Variants in CXorf38 observed in about 807,000 individuals in gnomAD.
CXorf38 encodes the protein chromosome X open reading frame 38.
CXorf38 carries 13 observed loss-of-function variants against 27.5 expected under a neutral mutation model. The ratio of observed to expected loss-of-function variants is 0.47; its 90% CI spans 0.31 to 0.75. The LOEUF (loss-of-function observed/expected upper bound fraction) is 0.75, where lower values mean the gene tolerates loss of function less well. Ranked by LOEUF, CXorf38 falls within the 30% of genes least tolerant of loss-of-function variation. CXorf38 has a pLI of 0.05. For synonymous variants in CXorf38, 100 were observed against 99.8 expected, an observed-to-expected ratio of 1.00 and a Z score of -0.01; for missense variants, 240 against 253.2, an observed-to-expected ratio of 0.95 and a Z score of 0.35.
Position 40,629,867 on chromosome X carries a change from C to T in CXorf38, c.*297G>A, listed in dbSNP as rs1927693721. On this transcript the variant is annotated 3_prime_UTR_variant, in exon 7 of 7. Transcript: ENST00000327877. Reference sequence around the variant, plus strand: ...TCCTGACCTCAGGTGATCCGCCCGCCTTGGCCTCCCAAAGTGCTGGGGATT... The same window carrying T: ...TCCTGACCTCAGGTGATCCGCCCGCTTTGGCCTCCCAAAGTGCTGGGGATT... 1 of 111,841 alleles carries T rather than the reference C, an allele frequency of 8.9e-6. No individual in the cohort carries two copies. The highest frequency in any genetic ancestry group is 9.5e-5 in the Admixed American group (1 of 10,551). 9.2% of individuals were successfully genotyped at this position (111,841 alleles called of 1,213,427 possible). A position where few individuals can be genotyped will look rare whatever the true frequency, so the allele number is the denominator to read the frequency against.
At position 40,637,004 on chromosome X, in the gene CXorf38, T is replaced by TA; in HGVS notation, c.621+2dup. The TA allele has an allele frequency of 8.5e-7, 1 of 1,180,985 alleles. No homozygotes were observed. The highest frequency in any genetic ancestry group is 1.9e-5 in the South Asian group (1 of 52,917). On this transcript the variant is annotated splice_region_variant and intron_variant, in intron 4 of 6. Coordinates refer to ENST00000327877, the MANE Select transcript of CXorf38 (RefSeq NM_144970.3). ...TGCCAGAACTATTAAACATGATTTT[T>TA]ACCTGTTCTATTCTGGAGTATACTG...
Position 40,627,748 on chromosome X carries a change from A to C in CXorf38, c.*2416T>G, listed in dbSNP as rs1043608485. ...GCTACATTGCCTTAAAGCCCTCTCT[A>C]GGGCTTTAAAAAGTTTTCGGAACCG... On this transcript the variant is annotated 3_prime_UTR_variant, in exon 7 of 7. Coordinates refer to ENST00000327877, the MANE Select transcript of CXorf38 (RefSeq NM_144970.3). The C allele has an allele frequency of 1.8e-5, 2 of 111,894 alleles. No individual in the cohort carries two copies. Among genetic ancestry groups the C allele is most frequent in the Non-Finnish European group, 3.8e-5 (2 of 53,175 alleles). 9.2% of individuals were successfully genotyped at this position (111,894 alleles called of 1,213,427 possible). A position where few individuals can be genotyped will look rare whatever the true frequency, so the allele number is the denominator to read the frequency against.
At position 40,627,893 on chromosome X, in the gene CXorf38, A is replaced by G. The variant is rs1313381565; in HGVS notation, c.*2271T>C. 8.9e-6 allele frequency: 1 copy of G among 112,170 alleles called. No individual in the cohort carries two copies. The highest frequency in any genetic ancestry group is 3.2e-5 in the African/African-American group (1 of 30,804). The allele number at this position is 112,170 out of a possible 1,213,427, so 9.2% of individuals were successfully genotyped here. A position where few individuals can be genotyped will look rare whatever the true frequency, so the allele number is the denominator to read the frequency against. On this transcript the variant is annotated 3_prime_UTR_variant, in exon 7 of 7. Transcript: ENST00000327877. Reference sequence around the variant, plus strand: ...CTGGCACATGGTGGACCCTTGATAAAAGCTTCTTGGATAGATAGGCAGAAA... The same window carrying G: ...CTGGCACATGGTGGACCCTTGATAAGAGCTTCTTGGATAGATAGGCAGAAA...
intron 2 of CXorf38, among the ~76,000 whole-genome samples, chrX:40,643,933 C>T (rs1368050386): frequency 8.9e-6 from 1 of 112,737 alleles, no homozygotes; most frequent in African/African-American, 3.2e-5. Flanking sequence ...CACATTGTAA[C>T]TTGTATTAGT....
chrX:40,637,482 T>C (rs1928127187), intron 3 of CXorf38, among the ~76,000 whole-genome samples: 1 of 110,588 alleles, frequency 9.0e-6, no homozygotes, highest in East Asian at 2.8e-4. Context: ...AAGCTGGCCA[T>C]GTGTAATGGT....
chrX:40,646,311 G>C (rs1322597506), intron 2 of CXorf38, among the ~76,000 whole-genome samples: 3 of 109,596 alleles, frequency 2.7e-5, no homozygotes, highest in Admixed American at 1.9e-4. Context: ...AGCTGATCCA[G>C]GACTCAGATC....
At position 40,647,540 on chromosome X, in the gene CXorf38, G is replaced by A. The variant is rs757234338; in HGVS notation, c.-20C>T. On this transcript the variant is annotated 5_prime_UTR_variant, in exon 1 of 7. Transcript: ENST00000327877. ...CACCATGTCTCCCACTTGGAACCAG[G>A]AGGTTGCGGGGCGTGGCGGACGGCA... 8 of 1,175,997 alleles carry A rather than the reference G, an allele frequency of 6.8e-6. No homozygotes were observed. The highest frequency in any genetic ancestry group is 1.8e-5 in the South Asian group (1 of 54,151).
rs941233983 is a variant in CXorf38 at position 40,637,063 on chromosome X, GA to G, written c.564del (p.Leu189Ter). 3.3e-6 allele frequency: 4 copies of G among 1,204,451 alleles called. No homozygotes were observed. On this transcript the variant is annotated frameshift_variant, in exon 4 of 7. Coordinates refer to ENST00000327877, the MANE Select transcript of CXorf38 (RefSeq NM_144970.3). LOFTEE classifies it high-confidence loss of function. ...LRDFQMKIQN[F>X]LNEFKNIPEI... is the part of the protein sequence containing the mutation. ...TCTGGGATGTTCTTGAATTCATTCA[GA>G]AAATTTTGGATCTTCATCTGAAAAT...
intron 5 of CXorf38, among the ~76,000 whole-genome samples, chrX:40,631,574 G>A (rs1443645734): frequency 1.8e-5 from 2 of 111,648 alleles, no homozygotes; most frequent in Non-Finnish European, 3.8e-5. Flanking sequence ...CCAAAGTGCT[G>A]GGATTACAGG....
chrX:40,647,479 C>T lies in CXorf38; in HGVS notation c.42G>A (p.Glu14=), dbSNP rs200012015. The stretch of plus-strand genomic sequence containing the variant: ...GGCCCGCCTTCACCCAGTTCTTGTA[C>T]TCGGCGCAGTTGAGGCGCGCCGCTA... The part of the protein sequence containing the change: ...SELAARLNCA[E]YKNWVKAGHC... Residue 14 remains glutamate, a synonymous_variant, in exon 1 of 7, where the codon GAG becomes GAA. Transcript: ENST00000327877. 1 of 1,190,307 alleles carries T rather than the reference C, an allele frequency of 8.4e-7. No homozygotes were observed. The highest frequency in any genetic ancestry group is 1.8e-5 in the African/African-American group (1 of 55,105).
chrX:40,627,186 T>TGGG lies in CXorf38; in HGVS notation c.*2975_*2977dup, dbSNP rs765086285. ...ACAGCTTGCTATGCATTTTTTTTTT[T>TGGG]GGGGGGGGGGGGTTGTTTTTTAGAG... On this transcript the variant is annotated 3_prime_UTR_variant, in exon 7 of 7. Transcript: ENST00000327877. 11 of 64,276 alleles carry TGGG rather than the reference T, an allele frequency of 1.7e-4. No individual in the cohort carries two copies. The highest frequency in any genetic ancestry group is 5.0e-4 in the African/African-American group (8 of 15,949). The allele number at this position is 64,276 out of a possible 1,213,427, so 5.3% of individuals were successfully genotyped here.
Position 40,636,668 on chromosome X carries a change from C to T in CXorf38, c.666G>A (p.Gln222=). 8.3e-7 allele frequency: 1 copy of T among 1,209,152 alleles called. No individual in the cohort carries two copies. Among genetic ancestry groups the T allele is most frequent in the African/African-American group, 1.7e-5 (1 of 57,650 alleles). The change falls in exon 5 of 7, where the codon CAG becomes CAA. Residue 222 remains glutamine (Q), a synonymous_variant. Coordinates refer to ENST00000327877, the MANE Select transcript of CXorf38 (RefSeq NM_144970.3). ...CCATTTCACATTCACACCCATCTCG[C>T]TGATCTTCCTCGGGGATGTGAACAG... ...DWAVHIPEED[Q]RDGCECEMGT...
At chrX:40,646,304 TGATC>T (rs1928575026) in intron 2 of CXorf38, among the ~76,000 whole-genome samples, 1 of 109,176 alleles carries the variant, frequency 9.2e-6, no homozygotes, top group African/African-American at 3.4e-5. Context: ...CCACGGCAGC[TGATC>T]CAGGACTCAG....
intron 5 of CXorf38, among the ~76,000 whole-genome samples, chrX:40,633,676 T>C (rs1927931323): frequency 8.9e-6 from 1 of 112,115 alleles, no homozygotes; most frequent in African/African-American, 3.2e-5. Flanking sequence ...CCCAATGGCC[T>C]TGAGTACACA....
chrX:40,639,627 G>T (rs1928229197), intron 2 of CXorf38: 1 of 115,551 alleles, frequency 8.7e-6, no homozygotes, highest in Admixed American at 9.0e-5. Flanking sequence ...GTTACCCTCA[G>T]ATTCCTTATC....
intron 3 of CXorf38, among the ~76,000 whole-genome samples, chrX:40,638,330 G>A (rs1274543983): frequency 1.8e-5 from 2 of 111,983 alleles, no homozygotes; most frequent in Non-Finnish European, 3.8e-5. Flanking sequence ...GTAGTTGCTG[G>A]TATGCAGACA....
At chrX:40,641,571 T>G in intron 2 of CXorf38, among the ~76,000 whole-genome samples, 1 of 111,655 alleles carries the variant, frequency 9.0e-6, no homozygotes. Flanking sequence ...TTTGTATTTT[T>G]TGTAGACATG....
chrX:40,639,054 G>GATGAGA lies in CXorf38; in HGVS notation c.420_425dup (p.Leu141_Ile142dup). Reference sequence around the variant, plus strand: ...CAACCACGAAGTGATCGCAGGAGTTGATGAGACTTAAAAGAGCAACTGCAT... The same window carrying GATGAGA: ...CAACCACGAAGTGATCGCAGGAGTTGATGAGAATGAGACTTAAAAGAGCAACTGCAT... On this transcript the variant is annotated inframe_insertion, in exon 3 of 7. Coordinates refer to ENST00000327877, the MANE Select transcript of CXorf38 (RefSeq NM_144970.3). 8.3e-7 allele frequency: 1 copy of GATGAGA among 1,211,061 alleles called. No individual in the cohort carries two copies. Among genetic ancestry groups the GATGAGA allele is most frequent in the Non-Finnish European group, 1.1e-6 (1 of 894,898 alleles).
rs1286054280 is a variant in CXorf38 at position 40,636,572 on chromosome X, T to C, written c.762A>G (p.Ile254Met). Residue 254 changes from isoleucine to methionine, a missense_variant, in exon 5 of 7, where the codon ATA becomes ATG. By Grantham distance (10) the Ile-to-Met change is conservative. Coordinates refer to ENST00000327877, the MANE Select transcript of CXorf38 (RefSeq NM_144970.3). ...CCTCTTGTTCTTCTGCTTGAAGATA[T>C]ATCTCTTGAAGTTTCTCCTTTAGTA... is the stretch of plus-strand genomic sequence containing the variant. ...MQLLKEKLQE[I>M]YLQAEEQEVL... The C allele has an allele frequency of 1.7e-6, 2 of 1,203,198 alleles. No individual in the cohort carries two copies. The highest frequency in any genetic ancestry group is 3.0e-5 in the East Asian group (1 of 33,637).
Sources: gnomAD v4.1 joint callset for allele counts (sites outside exome capture counted in the v4.1 genomes callset) on GRCh38, gnomAD v4.1.1 for gene constraint, MANE v1.5 for transcripts, NCBI Gene and HGNC (gene_info 2026-07-23, HGNC 2026-07-21) for gene names.